The following CABIN1 variants were observed in gnomAD, a reference collection of about 807,000 sequenced individuals.
CABIN1 encodes calcineurin-binding protein cabin-1.
In CABIN1, 133 loss-of-function variants were observed where a neutral mutation model predicts 227.7. The ratio of observed to expected loss-of-function variants is 0.58; its 90% CI spans 0.51 to 0.67. The LOEUF (loss-of-function observed/expected upper bound fraction) is 0.67. Among genes scored for constraint, CABIN1 ranks in the 30% least tolerant of loss-of-function variants. The probability of loss-of-function intolerance (pLI) is 0.00; values close to 1 mark genes in which losing one functional copy is unlikely to be tolerated. For missense variants in CABIN1, 2,408 were observed against 2,852.5 expected (o/e 0.84, Z 3.55); for synonymous variants, 1,086 against 1,155.1 (o/e 0.94, Z 1.21).
At chr22:24,060,167 G>A in intron 12 of CABIN1, 26 bp downstream of exon 12, 1 of 1,599,048 alleles carries the variant, frequency 6.3e-7, no homozygotes, top group South Asian at 1.1e-5. Context: ...TCAAGGGCTG[G>A]TATTGAACTG....
intron 29 of CABIN1, among the ~76,000 whole-genome samples, chr22:24,140,040 G>T (rs1395451125): frequency 6.6e-6 from 1 of 152,228 alleles, no homozygotes; most frequent in Non-Finnish European, 1.5e-5. Flanking sequence ...GCTCTCCCAT[G>T]CAGGGTGGGG....
At chr22:24,095,469 G>C (rs1939441319) in intron 24 of CABIN1, among the ~76,000 whole-genome samples, 1 of 148,474 alleles carries the variant, frequency 6.7e-6, no homozygotes, top group Middle Eastern at 3.2e-3. Flanking sequence ...CGAGGCCTGT[G>C]GGTGCCTGGC....
In CABIN1 at chr22:24,049,186, C is replaced by T. The variant is rs751821688; in HGVS notation, c.622C>T (p.Leu208Phe). ...GAAGATTTTTGAGGAGCAGCCTTGT[C>T]TCCGGAAGGACTCTCTCAGAATGTT... The part of the protein sequence containing the change: ...KEKIFEEQPC[L>F]RKDSLRMFLK... The change falls in exon 7 of 37, where the codon CTC (leucine) becomes TTC (phenylalanine). Residue 208 changes from leucine (L) to phenylalanine (F), a missense_variant. This residue lies in a region of CABIN1 where 1,045 missense variants were observed against 1,168.4 expected (regional missense o/e 0.89). Coordinates refer to ENST00000263119, the MANE Select transcript of CABIN1 (RefSeq NM_012295.4). The T allele has an allele frequency of 1.7e-4, 277 of 1,613,964 alleles. 3 individuals are homozygous for T. The East Asian group carries it at 6.0e-3, about 35-fold the overall frequency.
intron 28 of CABIN1, among the ~76,000 whole-genome samples, chr22:24,130,750 G>C (rs1425016201): frequency 6.6e-6 from 1 of 152,114 alleles, no homozygotes; most frequent in African/African-American, 2.4e-5. Context: ...TCAGCTAAGG[G>C]CCCCCATAAG....
At position 24,171,924 on chromosome 22, in the gene CABIN1, A is replaced by C. The variant is rs758918937; in HGVS notation, c.5969A>C (p.Gln1990Pro). The change falls in exon 34 of 37, where the codon CAG becomes CCG. Residue 1990 changes from glutamine (Q) to proline (P), a missense_variant. By Grantham distance (76) the Gln-to-Pro change is moderately conservative (BLOSUM62 -1). Around this residue, in one of 3 missense-constraint regions of CABIN1, gnomAD observed 714 missense variants for 773.8 expected, o/e 0.92. Transcript: ENST00000263119. ...TCAGCATCAGCTTCCACCCTGGACC[A>C]GTCCAAGGACCCTGGGCCTCCCCGG... ...PPSASASTLDQSKDPGPPRPH... is the reference protein window; with the variant it reads ...PPSASASTLDPSKDPGPPRPH... 1 of 1,613,822 alleles carries C rather than the reference A, an allele frequency of 6.2e-7. No homozygotes were observed. The highest frequency in any genetic ancestry group is 1.3e-5 in the African/African-American group (1 of 74,952).
intron 13 of CABIN1, among the ~76,000 whole-genome samples, chr22:24,062,245 G>A (rs1334944142): frequency 1.3e-5 from 2 of 151,676 alleles, no homozygotes; most frequent in Non-Finnish European, 2.9e-5. Flanking sequence ...CTGCTTTGCT[G>A]TTACACAAGA....
rs1188339850 is a variant in CABIN1, at chr22:24,050,820, T to A, written c.657-5T>A. On this transcript the variant is annotated splice_polypyrimidine_tract_variant and splice_region_variant and intron_variant, in intron 7 of 36. Transcript: ENST00000263119. ...ATAATTTCTCCCTGTCTCACATGCTTTTAGTGACATGTCGATTCACGATGT... is the reference window on the plus strand; with the variant it reads ...ATAATTTCTCCCTGTCTCACATGCTATTAGTGACATGTCGATTCACGATGT... The A allele has an allele frequency of 6.2e-7, 1 of 1,614,214 alleles. No individual in the cohort carries two copies. The highest frequency in any genetic ancestry group is 8.5e-7 in the Non-Finnish European group (1 of 1,180,028).
chr22:24,158,533 A>G (rs2045970587), intron 29 of CABIN1, among the ~76,000 whole-genome samples: 1 of 152,164 alleles, frequency 6.6e-6, no homozygotes, highest in Non-Finnish European at 1.5e-5. Context: ...TGCTGAGTTA[A>G]AAGTCAGGAT....
chr22:24,132,591 A>AT, intron 28 of CABIN1, among the ~76,000 whole-genome samples: 1 of 151,594 alleles, frequency 6.6e-6, no homozygotes, highest in Non-Finnish European at 1.5e-5. Flanking sequence ...TTGCTTTGTT[A>AT]TTTTTTTGTT....
chr22:24,086,938 T>G (rs1183508773), intron 22 of CABIN1, among the ~76,000 whole-genome samples: 5 of 152,210 alleles, frequency 3.3e-5, no homozygotes, highest in Admixed American at 6.5e-5. Context: ...CAGGGGTCTC[T>G]GCTGCCCATG....
At chr22:24,115,335 C>T (rs995282089) in intron 27 of CABIN1, among the ~76,000 whole-genome samples, 1 of 152,152 alleles carries the variant, frequency 6.6e-6, no homozygotes, top group African/African-American at 2.4e-5. Context: ...TGAAGAGTGT[C>T]CTGCCTCTTC....
In CABIN1 at chr22:24,041,288, G is replaced by T. The variant is rs2037350250; in HGVS notation, c.345+15G>T. ...TCTACTTAGAGGTGTGGTTTTGGCA[G>T]TGCTTAGCTACCTTGGTGTTTTGAA... On this transcript the variant is annotated intron_variant, in intron 5 of 36. Coordinates refer to ENST00000263119, the MANE Select transcript of CABIN1 (RefSeq NM_012295.4). The T allele has an allele frequency of 4.3e-6, 7 of 1,614,210 alleles. No individual in the cohort carries two copies. Among genetic ancestry groups the T allele is most frequent in the Non-Finnish European group, 5.9e-6 (7 of 1,180,024 alleles).
At chr22:24,093,890 A>AC (rs1236023130) in intron 24 of CABIN1, among the ~76,000 whole-genome samples, 3 of 152,146 alleles carry the variant, frequency 2.0e-5, no homozygotes, top group Admixed American at 1.3e-4. Flanking sequence ...AAAAAAAAAA[A>AC]ATTAAATTTG....
intron 29 of CABIN1, among the ~76,000 whole-genome samples, chr22:24,157,886 G>A (rs1569297470): frequency 1.3e-5 from 2 of 152,144 alleles, no homozygotes; most frequent in Admixed American, 6.5e-5. Context: ...TCCTCTCCCA[G>A]CAGCCCTCTC....
intron 3 of CABIN1, 82 bp downstream of exon 3, chr22:24,036,263 T>C (rs1030932045): frequency 1.6e-5 from 16 of 976,556 alleles, no homozygotes; most frequent in Non-Finnish European, 2.5e-5. Flanking sequence ...TTTAGGCATC[T>C]CCTCAGTGGG....
chr22:24,168,050 GT>G (rs1258342532), intron 32 of CABIN1, among the ~76,000 whole-genome samples: 9 of 152,230 alleles, frequency 5.9e-5, no homozygotes, highest in African/African-American at 2.2e-4. Flanking sequence ...TGAAGGCTTG[GT>G]TGGAGCCCTT....
At chr22:24,144,689 T>C (rs2044996549) in intron 29 of CABIN1, among the ~76,000 whole-genome samples, 1 of 152,260 alleles carries the variant, frequency 6.6e-6, no homozygotes, top group Non-Finnish European at 1.5e-5. Context: ...GGCACTCTGT[T>C]GCCCCTCCTG....
rs77045234 is a variant in CABIN1 at position 24,041,340 on chromosome 22, C to T, written c.345+67C>T. 2,034 of 1,600,996 alleles carry T rather than the reference C, an allele frequency of 1.3e-3. 22 individuals carry two copies. In the African/African-American group the frequency reaches 0.022, roughly 18 times the overall value. On this transcript the variant is annotated intron_variant, in intron 5 of 36. Transcript: ENST00000263119. ...GCTCTTGGTGGAGGGGATGAGGTTGCGGTCTTGTGGGCCAAAAAGAAGAGT... is the reference window on the plus strand; with the variant it reads ...GCTCTTGGTGGAGGGGATGAGGTTGTGGTCTTGTGGGCCAAAAAGAAGAGT...
rs1184602225 is a variant in CABIN1, at chr22:24,154,977, TAAG to T, written c.4747-9421_4747-9419del. Among the ~76,000 whole-genome samples, 7 of 151,904 alleles carry T rather than the reference TAAG, an allele frequency of 4.6e-5. No individual in the cohort carries two copies. In the East Asian group the frequency reaches 1.4e-3, roughly 29 times the overall value. On this transcript the variant is annotated intron_variant, in intron 29 of 36. Transcript: ENST00000263119. Reference sequence around the variant, plus strand: ...TGGAGGGAGGAACGGCGCTATGTGATAAGAGAGAAGCTCGCTATGTGATAAGAG... The same window carrying T: ...TGGAGGGAGGAACGGCGCTATGTGATAGAGAAGCTCGCTATGTGATAAGAG...
Sources: gnomAD v4.1 joint callset for allele counts (sites outside exome capture counted in the v4.1 genomes callset) on GRCh38, gnomAD v4.1.1 for gene constraint, gnomAD v4.1.1 regional missense constraint, MANE v1.5 for transcripts, NCBI Gene and HGNC (gene_info 2026-07-23, HGNC 2026-07-21) for gene names.